Variants in GLIS3 observed in about 807,000 individuals in gnomAD.
The protein encoded by GLIS3 is GLIS family zinc finger 3.
Under a neutral mutation model 78.6 loss-of-function variants are expected in GLIS3, and 53 were observed. That is an observed-to-expected ratio of 0.67 (90% confidence interval 0.54 to 0.85). The LOEUF (loss-of-function observed/expected upper bound fraction) is 0.85, where lower values mean the gene tolerates loss of function less well. Ranked by LOEUF, GLIS3 falls within the 40% of genes least tolerant of loss-of-function variation. The pLI is 0.00. For missense variants in GLIS3, 1,703 were observed against 1,231.1 expected (o/e 1.38, Z -5.74); for synonymous variants, 684 against 509.9 (o/e 1.34, Z -4.60).
At chr9:4,281,071 A>G (rs1294619347) in intron 2 of GLIS3, among the ~76,000 whole-genome samples, 6 of 152,224 alleles carry the variant, frequency 3.9e-5, no homozygotes, top group African/African-American at 1.4e-4. Flanking sequence ...ATGTACTAAC[A>G]GCTTATTAGT....
intron 2 of GLIS3, among the ~76,000 whole-genome samples, chr9:4,216,881 C>T (rs1278762328): frequency 6.6e-6 from 1 of 152,160 alleles, no homozygotes; most frequent in Non-Finnish European, 1.5e-5. Flanking sequence ...AATCAAAACC[C>T]CTCCTCTCTT....
intron 2 of GLIS3, among the ~76,000 whole-genome samples, chr9:4,247,904 C>A (rs1475630003): frequency 1.3e-5 from 2 of 152,108 alleles, no homozygotes; most frequent in African/African-American, 4.8e-5. Flanking sequence ...TGTGGTGATA[C>A]ATTTGAAATT....
the GLIS3 span, among the ~76,000 whole-genome samples, chr9:4,355,132 G>A: frequency 9.6e-5 from 14 of 145,370 alleles, no homozygotes; most frequent in African/African-American, 1.3e-4. Context: ...ACTCCATCTC[G>A]AAAAAAAAAA....
chr9:4,045,775 T>A (rs899621049), intron 4 of GLIS3, among the ~76,000 whole-genome samples: 1 of 152,158 alleles, frequency 6.6e-6, no homozygotes, highest in Non-Finnish European at 1.5e-5. Flanking sequence ...CTCTAGATAT[T>A]ATGAGTCCTT....
chr9:4,251,965 G>A (rs939020370), intron 2 of GLIS3, among the ~76,000 whole-genome samples: 10 of 152,276 alleles, frequency 6.6e-5, no homozygotes, highest in African/African-American at 9.6e-5. Flanking sequence ...GGTTTGTGCC[G>A]AGAGATCTGC....
chr9:3,993,698 TC>T (rs1820513170), intron 4 of GLIS3, among the ~76,000 whole-genome samples: 1 of 152,214 alleles, frequency 6.6e-6, no homozygotes. Flanking sequence ...AAGATTTTCC[TC>T]ATTACTAAAT....
chr9:4,196,169 G>A (rs561725457), intron 2 of GLIS3, among the ~76,000 whole-genome samples: 2 of 152,022 alleles, frequency 1.3e-5, no homozygotes, highest in African/African-American at 4.8e-5. Context: ...TTATGTCTAG[G>A]AGAACTTTCA....
At chr9:4,141,603 G>C (rs939228855) in intron 2 of GLIS3, among the ~76,000 whole-genome samples, 4 of 152,186 alleles carry the variant, frequency 2.6e-5, no homozygotes, top group East Asian at 3.8e-4. Context: ...TAATGAGTAA[G>C]ATGGAATCTT....
intron 2 of GLIS3, among the ~76,000 whole-genome samples, chr9:4,314,003 C>T (rs913102433): frequency 3.9e-5 from 6 of 152,142 alleles, no homozygotes; most frequent in Non-Finnish European, 8.8e-5. Context: ...TGAGAGATGG[C>T]GTTACATAAA....
intron 2 of GLIS3, among the ~76,000 whole-genome samples, chr9:4,162,414 C>T (rs186929782): frequency 5.9e-5 from 9 of 152,278 alleles, no homozygotes; most frequent in Non-Finnish European, 1.0e-4. Flanking sequence ...TTTCAATTGT[C>T]ACTTGGTCCA....
chr9:4,277,377 A>T (rs2130241740), intron 2 of GLIS3, among the ~76,000 whole-genome samples: 1 of 152,370 alleles, frequency 6.6e-6, no homozygotes, highest in South Asian at 2.1e-4. Flanking sequence ...GAAATAGCCA[A>T]ACACAAACAG....
chr9:4,186,383 T>C (rs1398020338), intron 2 of GLIS3, among the ~76,000 whole-genome samples: 1 of 152,022 alleles, frequency 6.6e-6, no homozygotes, highest in Non-Finnish European at 1.5e-5. Context: ...CACATTTTCT[T>C]AATCCAGTCT....
chr9:4,237,493 C>T (rs1342079500), intron 2 of GLIS3, among the ~76,000 whole-genome samples: 1 of 152,216 alleles, frequency 6.6e-6, no homozygotes, highest in Non-Finnish European at 1.5e-5. Flanking sequence ...ACTTCAGGCT[C>T]AGTCTACTGA....
intron 4 of GLIS3, chr9:4,054,223 C>T (rs1825953961): frequency 3.5e-6 from 2 of 576,868 alleles, no homozygotes; most frequent in Non-Finnish European, 4.4e-6. Flanking sequence ...AGCAGAACAT[C>T]AGCTCTGTGA....
rs1282302521 is a variant in GLIS3, at chr9:3,825,209, A to G, written c.*3063T>C. The G allele has an allele frequency of 6.6e-6, 1 of 152,186 alleles. No homozygotes were observed. Among genetic ancestry groups the G allele is most frequent in the Non-Finnish European group, 1.5e-5 (1 of 68,026 alleles). The allele number at this position is 152,186 out of a possible 1,614,324, so 9.4% of individuals were successfully genotyped here. On this transcript the variant is annotated 3_prime_UTR_variant, in exon 11 of 11. Transcript: ENST00000381971. Reference sequence around the variant, plus strand: ...CAAAGCCAACACTCTTATCAGTGGTAACTCTGCTGTGATCTACTAAAGACC... The same window carrying G: ...CAAAGCCAACACTCTTATCAGTGGTGACTCTGCTGTGATCTACTAAAGACC...
the GLIS3 span, among the ~76,000 whole-genome samples, chr9:4,369,760 G>C: frequency 6.6e-6 from 1 of 152,164 alleles, no homozygotes; most frequent in African/African-American, 2.4e-5. Context: ...ACCTTGACAA[G>C]TTGGAACCAT....
chr9:4,369,829 A>C, the GLIS3 span, among the ~76,000 whole-genome samples: 1 of 152,218 alleles, frequency 6.6e-6, no homozygotes, highest in East Asian at 1.9e-4. Context: ...CATGGCCAAA[A>C]AAAATAAACA....
chr9:4,372,260 T>C, the GLIS3 span, among the ~76,000 whole-genome samples: 1 of 152,196 alleles, frequency 6.6e-6, no homozygotes, highest in Non-Finnish European at 1.5e-5. Flanking sequence ...GTTTAATGCT[T>C]TGCTGTTGCC....
intron 4 of GLIS3, among the ~76,000 whole-genome samples, chr9:4,054,798 T>G (rs1826012934): frequency 6.6e-6 from 1 of 152,188 alleles, no homozygotes; most frequent in South Asian, 2.1e-4. Context: ...TGTGTGTTCT[T>G]GAGCAAAACA....
Sources: allele counts gnomAD v4.1 joint callset (sites outside exome capture counted in the v4.1 genomes callset), GRCh38; gene constraint gnomAD v4.1.1; transcripts MANE v1.5; gene names NCBI Gene and HGNC (gene_info 2026-07-23, HGNC 2026-07-21).